The following TMPRSS11B variants were observed in gnomAD, a reference collection of about 807,000 sequenced individuals.
TMPRSS11B encodes the protein transmembrane serine protease 11B.
In TMPRSS11B, 53 loss-of-function variants were observed where a neutral mutation model predicts 44.7. That is an observed-to-expected ratio of 1.19 (90% CI 0.95 to 1.49). The LOEUF is 1.49. Ranked by LOEUF, TMPRSS11B falls within the 40% of genes most tolerant of loss-of-function variation. TMPRSS11B has a pLI of 0.00. For missense variants in TMPRSS11B, 526 were observed against 494.8 expected, an observed-to-expected ratio of 1.06 and a Z score of -0.60; for synonymous variants, 140 against 159.2, an observed-to-expected ratio of 0.88 and a Z score of 0.91.
chr4:68,232,364 G>A lies in TMPRSS11B; in HGVS notation c.508+14C>T, dbSNP rs370706521. 1 of 1,607,804 alleles carries A rather than the reference G, an allele frequency of 6.2e-7. No individual in the cohort carries two copies. On this transcript the variant is annotated intron_variant, in intron 6 of 9. Transcript: ENST00000332644. ...GAGTCCATCAAATTTATAATTAAAA[G>A]GTCCTTAACTTACAGTTGTTGGTAA... is the stretch of plus-strand genomic sequence containing the variant.
intron 9 of TMPRSS11B, 118 bp downstream of exon 9, chr4:68,228,624 T>C: frequency 8.1e-6 from 8 of 986,828 alleles, no homozygotes; most frequent in Non-Finnish European, 1.2e-5. Flanking sequence ...ACATTTTTAG[T>C]GTATTGAAAT....
Position 68,229,180 on chromosome 4 carries a change from A to ATGATTGAT in TMPRSS11B, c.946+69_946+76dup, listed in dbSNP as rs201568602. ...ACTGATTGATTAATTGCATGAGGGG[A>ATGATTGAT]TGATTGATTGATTGATTGATTGATT... On this transcript the variant is annotated intron_variant, in intron 8 of 9. Coordinates refer to ENST00000332644, the MANE Select transcript of TMPRSS11B (RefSeq NM_182502.3). The ATGATTGAT allele has an allele frequency of 4.7e-6, 6 of 1,289,456 alleles. No homozygotes were observed. In the African/African-American group the frequency reaches 1.0e-4, roughly 22 times the overall value. The allele number at this position is 1,289,456 out of a possible 1,614,324, so 79.9% of individuals were successfully genotyped here.
intron 9 of TMPRSS11B, among the ~76,000 whole-genome samples, chr4:68,228,530 T>C (rs544765793): frequency 3.3e-5 from 5 of 152,334 alleles, no homozygotes; most frequent in East Asian, 3.9e-4. Flanking sequence ...AATTCCCAGA[T>C]TGAAAACTTC....
At chr4:68,235,701 G>C (rs192881203) in intron 4 of TMPRSS11B, among the ~76,000 whole-genome samples, 1 of 152,158 alleles carries the variant, frequency 6.6e-6, no homozygotes, top group Admixed American at 6.5e-5. Flanking sequence ...AGTCAGTTAG[G>C]ACTGACCACC....
intron 5 of TMPRSS11B, among the ~76,000 whole-genome samples, chr4:68,232,979 A>G (rs1719559569): frequency 6.6e-6 from 1 of 152,054 alleles, no homozygotes; most frequent in Non-Finnish European, 1.5e-5. Context: ...AATTAAAATT[A>G]TACTTCACTG....
chr4:68,240,897 C>T (rs903930157), intron 2 of TMPRSS11B, among the ~76,000 whole-genome samples: 13 of 151,990 alleles, frequency 8.6e-5, no homozygotes, highest in African/African-American at 2.7e-4. Flanking sequence ...TCAGAAAAAT[C>T]ATGATAAAAT....
chr4:68,227,878 G>T lies in TMPRSS11B; in HGVS notation c.*33C>A. 1.3e-6 allele frequency: 2 copies of T among 1,543,840 alleles called. No individual in the cohort carries two copies. Among genetic ancestry groups the T allele is most frequent in the Non-Finnish European group, 1.7e-6 (2 of 1,148,598 alleles). ...CCACAGATAAGGATAGCCTACAGTGGTCTTTATGTTCCTTTGTATAATTCC... is the reference window on the plus strand; with the variant it reads ...CCACAGATAAGGATAGCCTACAGTGTTCTTTATGTTCCTTTGTATAATTCC... On this transcript the variant is annotated 3_prime_UTR_variant, in exon 10 of 10. Transcript: ENST00000332644.
At chr4:68,241,834 C>A (rs773367007) in intron 1 of TMPRSS11B, 30 bp from the exon 2 acceptor site, 17 of 1,313,110 alleles carry the variant, frequency 1.3e-5, no homozygotes, top group Non-Finnish European at 1.8e-5. Context: ...TGGTTCAAAT[C>A]AGATAATAAC....
Position 68,236,155 on chromosome 4 carries a change from G to A in TMPRSS11B, c.236C>T (p.Thr79Ile). 6.2e-7 allele frequency: 1 copy of A among 1,602,696 alleles called. No homozygotes were observed. Among genetic ancestry groups the A allele is most frequent in the Non-Finnish European group, 8.5e-7 (1 of 1,174,204 alleles). The change falls in exon 3 of 10, where the codon ACT (threonine) becomes ATT (isoleucine). Residue 79 changes from threonine to isoleucine, a missense_variant. Physicochemically the swap from Thr to Ile is moderately conservative, Grantham distance 89. Coordinates refer to ENST00000332644, the MANE Select transcript of TMPRSS11B (RefSeq NM_182502.3). Reference sequence around the variant, plus strand: ...TTTTAAAAATCTCTGATTTACCTTAGTCTCAATATCTTTGCTTAGATTTGT... The same window carrying A: ...TTTTAAAAATCTCTGATTTACCTTAATCTCAATATCTTTGCTTAGATTTGT... ...ASTNLSKDIETKMLNAFQNSS... is the reference protein window; with the variant it reads ...ASTNLSKDIEIKMLNAFQNSS...
chr4:68,245,239 G>T (rs1441877292), intron 1 of TMPRSS11B, among the ~76,000 whole-genome samples: 1 of 151,964 alleles, frequency 6.6e-6, no homozygotes, highest in African/African-American at 2.4e-5. Context: ...GAATAAAAAC[G>T]GTAGCGTTCT....
Position 68,241,786 on chromosome 4 carries a change from T to G in TMPRSS11B, c.27A>C (p.Gln9His). ...TCGTAGTCCATAGTGGCCAAGATCT[T>G]TGGGAAGATATGCCGTGCCTATGAA... MYRHGISSQRSWPLWTTIF... is the reference protein window; with the variant it reads MYRHGISSHRSWPLWTTIF... Residue 9 changes from glutamine to histidine, a missense_variant, in exon 2 of 10, where the codon CAA becomes CAC. Transcript: ENST00000332644. 6.2e-7 allele frequency: 1 copy of G among 1,613,140 alleles called. No individual in the cohort carries two copies. The highest frequency in any genetic ancestry group is 8.5e-7 in the Non-Finnish European group (1 of 1,179,336).
chr4:68,236,851 A>G (rs2109960742), intron 2 of TMPRSS11B, among the ~76,000 whole-genome samples: 1 of 152,022 alleles, frequency 6.6e-6, no homozygotes, highest in African/African-American at 2.4e-5. Flanking sequence ...ACCCTTTTGT[A>G]TGCCCTTTGC....
In TMPRSS11B at chr4:68,227,957, C is replaced by T. The variant is rs140417405; in HGVS notation, c.1205G>A (p.Arg402Gln). ...AATCCAATTGCGATAAGAAGTCACTCGAGTATAGACACCTGGCTTATTCTT... is the reference window on the plus strand; with the variant it reads ...AATCCAATTGCGATAAGAAGTCACTTGAGTATAGACACCTGGCTTATTCTT... ...GKKNKPGVYT[R>Q]VTSYRNWITS... The change falls in exon 10 of 10, where the codon CGA (arginine) becomes CAA (glutamine). Residue 402 changes from arginine (R) to glutamine (Q), a missense_variant. Arg to Gln is a conservative substitution (Grantham distance 43, BLOSUM62 1). Transcript: ENST00000332644. 9 of 1,613,148 alleles carry T rather than the reference C, an allele frequency of 5.6e-6. No individual in the cohort carries two copies. Among genetic ancestry groups the T allele is most frequent in the Admixed American group, 5.0e-5 (3 of 59,786 alleles).
Position 68,241,614 on chromosome 4 carries a change from C to G in TMPRSS11B, c.124+75G>C, listed in dbSNP as rs142785506. On this transcript the variant is annotated intron_variant, in intron 2 of 9. Coordinates refer to ENST00000332644, the MANE Select transcript of TMPRSS11B (RefSeq NM_182502.3). ...AACTCCCAAGAAGAAATTTAATGTTCATGTTGTTTTTTTTCAATTTTTAAA... is the reference window on the plus strand; with the variant it reads ...AACTCCCAAGAAGAAATTTAATGTTGATGTTGTTTTTTTTCAATTTTTAAA... 1.2e-5 allele frequency: 10 copies of G among 864,580 alleles called. No individual in the cohort carries two copies. In the African/African-American group the frequency reaches 1.7e-4, roughly 15 times the overall value. The allele number at this position is 864,580 out of a possible 1,614,324, so 53.6% of individuals were successfully genotyped here. A position where few individuals can be genotyped will look rare whatever the true frequency, so the allele number is the denominator to read the frequency against.
At chr4:68,232,172 T>A in intron 6 of TMPRSS11B, 2 of 343,082 alleles carry the variant, frequency 5.8e-6, no homozygotes, top group Non-Finnish European at 5.3e-6. Flanking sequence ...TTCATTTAAC[T>A]TTTTATATAT....
chr4:68,233,462 A>G (rs752988714), intron 5 of TMPRSS11B, among the ~76,000 whole-genome samples: 6 of 152,128 alleles, frequency 3.9e-5, no homozygotes, highest in Non-Finnish European at 8.8e-5. Flanking sequence ...AACCTTCACA[A>G]TCTTTACAAA....
chr4:68,238,181 T>C (rs887297505), intron 2 of TMPRSS11B, among the ~76,000 whole-genome samples: 1 of 152,152 alleles, frequency 6.6e-6, no homozygotes, highest in Non-Finnish European at 1.5e-5. Context: ...GCTGAAATAA[T>C]TTATTACCCT....
rs753945667 is a variant in TMPRSS11B, at chr4:68,245,580, G to A, written c.-22C>T. ...ACATAATGTTCTGATTGTTATGGCA[G>A]TATCAGGTATAACGGTGGTAATGAT... On this transcript the variant is annotated 5_prime_UTR_variant, in exon 1 of 10. Coordinates refer to ENST00000332644, the MANE Select transcript of TMPRSS11B (RefSeq NM_182502.3). 1 of 1,612,898 alleles carries A rather than the reference G, an allele frequency of 6.2e-7. No homozygotes were observed. Among genetic ancestry groups the A allele is most frequent in the Non-Finnish European group, 8.5e-7 (1 of 1,179,112 alleles).
chr4:68,228,869 A>G lies in TMPRSS11B; in HGVS notation c.962T>C (p.Ile321Thr), dbSNP rs1300350415. The G allele has an allele frequency of 6.2e-7, 1 of 1,612,816 alleles. No homozygotes were observed. The highest frequency in any genetic ancestry group is 8.5e-7 in the Non-Finnish European group (1 of 1,179,568). Residue 321 changes from isoleucine (I) to threonine (T), a missense_variant, in exon 9 of 10, where the codon ATA (isoleucine) becomes ACA (threonine). Transcript: ENST00000332644. ...AATCTTCAAAAAGTCTTCTTGAAGT[A>G]TCACTGGAAATGAACCTAAAAGCAA... is the stretch of plus-strand genomic sequence containing the variant. ...TLYMNGSFPV[I>T]LQEDFLKIID...
Sources: gnomAD v4.1 joint callset for allele counts (sites outside exome capture counted in the v4.1 genomes callset) on GRCh38, gnomAD v4.1.1 for gene constraint, MANE v1.5 for transcripts, NCBI Gene and HGNC (gene_info 2026-07-23, HGNC 2026-07-21) for gene names.